The following NEMP2 variants were observed in gnomAD, a reference collection of about 807,000 sequenced individuals.
NEMP2 encodes the protein UPF0571 transmembrane protein.
A neutral mutation model predicts 54.2 loss-of-function variants in NEMP2; 53 were observed. The observed-to-expected ratio is 0.98, with a 90% CI of 0.78 to 1.23. NEMP2 has a LOEUF of 1.23. Ranked by LOEUF, NEMP2 falls within the 50% of genes most tolerant of loss-of-function variation. The pLI is 0.00. For missense variants in NEMP2, 455 were observed against 511.3 expected, an observed-to-expected ratio of 0.89 and a Z score of 1.06; for synonymous variants, 197 against 190.3, an observed-to-expected ratio of 1.04 and a Z score of -0.29.
chr2:190,602,724 G>A, the NEMP2 span, among the ~76,000 whole-genome samples: 1 of 152,226 alleles, frequency 6.6e-6, no homozygotes, highest in Non-Finnish European at 1.5e-5. Flanking sequence ...CCAAGGGAGT[G>A]CAGTTTTCTG....
the NEMP2 span, among the ~76,000 whole-genome samples, chr2:190,470,371 T>G: frequency 2.6e-5 from 4 of 152,214 alleles, no homozygotes; most frequent in East Asian, 7.7e-4. Context: ...CTGCCCTGAG[T>G]TCTCTTTGCT....
chr2:190,491,263 G>C, the NEMP2 span, among the ~76,000 whole-genome samples: 2 of 152,178 alleles, frequency 1.3e-5, no homozygotes, highest in Admixed American at 1.3e-4. The surrounding 1 kb of genome is among the most constrained non-coding windows in gnomAD (Gnocchi z 4.2). Context: ...GGCAAGATAG[G>C]AGGCAGGATT....
At chr2:190,497,260 T>C in the NEMP2 span, among the ~76,000 whole-genome samples, 2 of 152,178 alleles carry the variant, frequency 1.3e-5, no homozygotes, top group African/African-American at 2.4e-5. The surrounding 1 kb of genome is among the most constrained non-coding windows in gnomAD (Gnocchi z 5.2). Context: ...ATAAACATCA[T>C]GTTCATTGAT....
the NEMP2 span, among the ~76,000 whole-genome samples, chr2:190,633,812 T>C: frequency 6.6e-6 from 1 of 152,344 alleles, no homozygotes; most frequent in African/African-American, 2.4e-5. Context: ...GGTTCACACC[T>C]GTAATCCCAG....
In NEMP2 at chr2:190,513,703, G is replaced by A. The variant is rs543741616; in HGVS notation, c.953+750C>T. On this transcript the variant is annotated intron_variant, in intron 7 of 8. Coordinates refer to ENST00000409150, the MANE Select transcript of NEMP2 (RefSeq NM_001142645.2). This position sits in a 1 kb window ranked among gnomAD's most constrained non-coding sequence, Gnocchi z 5.3. ...TCAGGAAAGCCCTCCGCATTTATTC[G>A]TCTGGTTATTTTTATTCATTCTTTA... Among the ~76,000 whole-genome samples, 5 of 152,264 alleles carry A rather than the reference G, an allele frequency of 3.3e-5. No individual in the cohort carries two copies. The highest frequency in any genetic ancestry group is 7.2e-5 in the African/African-American group (3 of 41,540).
At chr2:190,641,664 C>T in the NEMP2 span, among the ~76,000 whole-genome samples, 1 of 152,214 alleles carries the variant, frequency 6.6e-6, no homozygotes, top group Non-Finnish European at 1.5e-5. Flanking sequence ...ACTCTCCACC[C>T]TGGCTTGTGT....
the NEMP2 span, among the ~76,000 whole-genome samples, chr2:190,615,863 C>G: frequency 6.6e-6 from 1 of 152,146 alleles, no homozygotes; most frequent in African/African-American, 2.4e-5. The surrounding 1 kb of genome is among the most constrained non-coding windows in gnomAD (Gnocchi z 4.7). Context: ...GGCACATCTC[C>G]TCTTGCTTGC....
At chr2:190,435,810 C>A in the NEMP2 span, 2 of 565,128 alleles carry the variant, frequency 3.5e-6, no homozygotes, top group South Asian at 3.5e-5. Flanking sequence ...TTTTTAAAAG[C>A]TATTTTTCCT....
Position 190,531,199 on chromosome 2 carries a change from T to A in NEMP2, c.97+3360A>T, listed in dbSNP as rs1361604185. On this transcript the variant is annotated intron_variant, in intron 1 of 8. Transcript: ENST00000409150. The surrounding 1 kb of genome is among the most constrained non-coding windows in gnomAD (Gnocchi z 4.7). ...ATACCTGCCTAGGGAAAGCTACTGC[T>A]TCTACTTGAGGCTGAGGTATTTAAT... Among the ~76,000 whole-genome samples, 1 of 152,214 alleles carries A rather than the reference T, an allele frequency of 6.6e-6. No homozygotes were observed. Among genetic ancestry groups the A allele is most frequent in the East Asian group, 1.9e-4 (1 of 5,204 alleles).
At chr2:190,643,160 G>A in the NEMP2 span, among the ~76,000 whole-genome samples, 2 of 151,078 alleles carry the variant, frequency 1.3e-5, no homozygotes, top group Non-Finnish European at 2.9e-5. Flanking sequence ...GAATTCAAGA[G>A]AAGTATAACA....
chr2:190,561,259 C>T, the NEMP2 span, among the ~76,000 whole-genome samples: 2 of 152,148 alleles, frequency 1.3e-5, no homozygotes, highest in South Asian at 4.1e-4. The surrounding 1 kb of genome is among the most constrained non-coding windows in gnomAD (Gnocchi z 5.4). Context: ...GAGAGAAACC[C>T]CTGTCTTGGA....
chr2:190,426,801 A>G, the NEMP2 span, among the ~76,000 whole-genome samples: 3 of 151,724 alleles, frequency 2.0e-5, no homozygotes, highest in East Asian at 5.8e-4. This position sits in a 1 kb window ranked among gnomAD's most constrained non-coding sequence, Gnocchi z 4.7. Context: ...ATTGAAAGCA[A>G]GATGTTTTGG....
At chr2:190,628,467 T>A in the NEMP2 span, 1 of 152,244 alleles carries the variant, frequency 6.6e-6, no homozygotes, top group African/African-American at 2.4e-5. This position sits in a 1 kb window ranked among gnomAD's most constrained non-coding sequence, Gnocchi z 4.1. Context: ...ATGGTACACG[T>A]TCTTCCTTTA....
At chr2:190,431,171 A>G in the NEMP2 span, among the ~76,000 whole-genome samples, 6 of 150,820 alleles carry the variant, frequency 4.0e-5, no homozygotes, top group Non-Finnish European at 7.4e-5. The surrounding 1 kb of genome is among the most constrained non-coding windows in gnomAD (Gnocchi z 4.4). Flanking sequence ...GACGCTCCTC[A>G]CTTCCCAGAT....
At chr2:190,553,564 T>C in the NEMP2 span, 1 of 152,252 alleles carries the variant, frequency 6.6e-6, no homozygotes, top group African/African-American at 2.4e-5. Context: ...TGACTACAAA[T>C]CCTCTGGTTT....
At chr2:190,440,690 A>G in the NEMP2 span, among the ~76,000 whole-genome samples, 1 of 152,246 alleles carries the variant, frequency 6.6e-6, no homozygotes, top group East Asian at 1.9e-4. Flanking sequence ...AGAAAAATCT[A>G]TTCAATCAAT....
At chr2:190,449,591 A>G in the NEMP2 span, among the ~76,000 whole-genome samples, 1 of 152,242 alleles carries the variant, frequency 6.6e-6, no homozygotes, top group African/African-American at 2.4e-5. Context: ...CACTATTCAC[A>G]ATAGCAAAAA....
At chr2:190,534,415 G>C (rs1691284136) in intron 1 of NEMP2, 144 bp downstream of exon 1, 5 of 1,217,238 alleles carry the variant, frequency 4.1e-6, no homozygotes, top group Admixed American at 4.4e-5. Flanking sequence ...GGGCCTGCCC[G>C]GGAGACCCCA....
At chr2:190,558,611 G>C in the NEMP2 span, among the ~76,000 whole-genome samples, 1 of 152,200 alleles carries the variant, frequency 6.6e-6, no homozygotes, top group Non-Finnish European at 1.5e-5. The surrounding 1 kb of genome is among the most constrained non-coding windows in gnomAD (Gnocchi z 4.4). Flanking sequence ...GTGGCTCTTA[G>C]TACCTTCTGG....
Sources: allele counts gnomAD v4.1 joint callset (sites outside exome capture counted in the v4.1 genomes callset), GRCh38; gene constraint gnomAD v4.1.1; non-coding constraint Gnocchi (gnomAD v3.1); transcripts MANE v1.5; gene names NCBI Gene and HGNC (gene_info 2026-07-23, HGNC 2026-07-21).